The following RGS6 variants were observed in gnomAD, a reference collection of about 807,000 sequenced individuals.
RGS6 encodes the protein regulator of G protein signaling 6, also known as regulator of G-protein signaling 6.
A neutral mutation model predicts 78.5 loss-of-function variants in RGS6; 30 were observed. The ratio of observed to expected loss-of-function variants is 0.38; its 90% CI spans 0.29 to 0.52. RGS6 has a LOEUF of 0.52. Ranked by LOEUF, RGS6 falls within the 20% of genes least tolerant of loss-of-function variation. The pLI is 0.85. For synonymous variants in RGS6, 206 were observed against 206.0 expected, an observed-to-expected ratio of 1.00 and a Z score of 0.00; for missense variants, 495 against 609.7, an observed-to-expected ratio of 0.81 and a Z score of 1.98.
chr14:72,289,071 G>A (rs1008991868), intron 2 of RGS6, among the ~76,000 whole-genome samples: 1 of 152,108 alleles, frequency 6.6e-6, no homozygotes, highest in East Asian at 1.9e-4. Context: ...CAATAAACTA[G>A]AAAGGATGAT....
At chr14:72,453,459 C>CA (rs57089193) in intron 3 of RGS6, among the ~76,000 whole-genome samples, 9 of 146,398 alleles carry the variant, frequency 6.1e-5, no homozygotes, top group South Asian at 4.3e-4. Context: ...ACTAAAAATA[C>CA]AAAAAAATTA....
intron 12 of RGS6, among the ~76,000 whole-genome samples, chr14:72,488,150 T>C (rs761363619): frequency 7.2e-5 from 11 of 152,236 alleles, no homozygotes; most frequent in Admixed American, 1.3e-4. Flanking sequence ...ACAATAAATT[T>C]CCCTTCCGAC....
chr14:72,070,382 G>A (rs2094363584), intron 2 of RGS6, among the ~76,000 whole-genome samples: 2 of 152,192 alleles, frequency 1.3e-5, no homozygotes, highest in East Asian at 3.9e-4. Flanking sequence ...GACTCTAAGA[G>A]CTGTATGAAC....
At chr14:72,236,216 C>T (rs978657218) in intron 2 of RGS6, among the ~76,000 whole-genome samples, 1 of 152,176 alleles carries the variant, frequency 6.6e-6, no homozygotes, top group African/African-American at 2.4e-5. Flanking sequence ...GTCCCCTGCA[C>T]CCATCACGTA....
At position 72,402,308 on chromosome 14, in the gene RGS6, G is replaced by T. The variant is rs562201191; in HGVS notation, c.184+50114G>T. ...ACAGAAGTACTTCCTGCTTCAAGGG[G>T]TTGAGTGGCTATGGTAGTTGATGTT... On this transcript the variant is annotated intron_variant, in intron 3 of 17. Coordinates refer to ENST00000553525, the MANE Select transcript of RGS6 (RefSeq NM_001204424.2). 1.6e-4 allele frequency among the ~76,000 whole-genome samples: 24 copies of T among 152,310 alleles called. No homozygotes were observed. In the East Asian group the frequency reaches 4.1e-3, roughly 26 times the overall value.
chr14:72,581,637 G>A, the RGS6 span, among the ~76,000 whole-genome samples: 1 of 152,116 alleles, frequency 6.6e-6, no homozygotes, highest in African/African-American at 2.4e-5. Flanking sequence ...AACTACCCCT[G>A]GTGTCCCAGT....
At chr14:72,277,334 A>C (rs2060840177) in intron 2 of RGS6, among the ~76,000 whole-genome samples, 1 of 152,188 alleles carries the variant, frequency 6.6e-6, no homozygotes, top group Non-Finnish European at 1.5e-5. Flanking sequence ...GCGGTGGCTC[A>C]CGCCTGTAAT....
In RGS6 at chr14:71,953,977, T is replaced by TTTTG. The variant is rs1480762732; in HGVS notation, c.-20-10792_-20-10791insGTTT. On this transcript the variant is annotated intron_variant, in intron 1 of 17. Coordinates refer to ENST00000553525, the MANE Select transcript of RGS6 (RefSeq NM_001204424.2). ...TAGAATTCTAAGTGGGCGTTTTTTTTTTTTTTTTTTTCCTTCAACATTTTA... is the reference window on the plus strand; with the variant it reads ...TAGAATTCTAAGTGGGCGTTTTTTTTTTTGTTTTTTTTTTTCCTTCAACATTTTA... Among the ~76,000 whole-genome samples, 7 of 147,758 alleles carry TTTTG rather than the reference T, an allele frequency of 4.7e-5. No homozygotes were observed. In the South Asian group the frequency reaches 6.4e-4, roughly 13 times the overall value.
At chr14:72,501,573 T>G (rs1054302794) in intron 13 of RGS6, among the ~76,000 whole-genome samples, 1 of 152,208 alleles carries the variant, frequency 6.6e-6, no homozygotes, top group Non-Finnish European at 1.5e-5. Context: ...TTGCCAGGGC[T>G]TCTCATTGAG....
intron 2 of RGS6, among the ~76,000 whole-genome samples, chr14:72,344,638 C>T: frequency 6.6e-6 from 1 of 152,120 alleles, no homozygotes; most frequent in South Asian, 2.1e-4. Context: ...TGCAGTCATT[C>T]AAGAAATATT....
chr14:71,982,058 C>G (rs564712113), intron 2 of RGS6, among the ~76,000 whole-genome samples: 92 of 148,284 alleles, frequency 6.2e-4, no homozygotes, highest in African/African-American at 1.8e-3. Context: ...TCCAGGTGCC[C>G]TCCGTCACCC....
At chr14:72,088,564 A>G (rs1229981257) in intron 2 of RGS6, among the ~76,000 whole-genome samples, 2 of 152,114 alleles carry the variant, frequency 1.3e-5, no homozygotes, top group Admixed American at 1.3e-4. Flanking sequence ...TGTTCGGATA[A>G]CTATGAGATT....
chr14:72,127,254 A>C (rs560932789), intron 2 of RGS6, among the ~76,000 whole-genome samples: 1 of 152,340 alleles, frequency 6.6e-6, no homozygotes, highest in Admixed American at 6.5e-5. Context: ...ACCACCTTGC[A>C]AATGGTAGGC....
At chr14:72,197,809 T>A (rs1258290996) in intron 2 of RGS6, among the ~76,000 whole-genome samples, 1 of 152,082 alleles carries the variant, frequency 6.6e-6, no homozygotes, top group Non-Finnish European at 1.5e-5. Flanking sequence ...GCTGTCTTGA[T>A]AGCTCTGAGG....
intron 3 of RGS6, among the ~76,000 whole-genome samples, chr14:72,452,201 A>C (rs1487715444): frequency 6.7e-6 from 1 of 149,896 alleles, no homozygotes; most frequent in African/African-American, 2.5e-5. Flanking sequence ...ACACACAGGC[A>C]CATGTACACA....
intron 2 of RGS6, among the ~76,000 whole-genome samples, chr14:72,145,855 A>G (rs1370158373): frequency 1.3e-5 from 2 of 152,168 alleles, no homozygotes; most frequent in Non-Finnish European, 2.9e-5. Context: ...ATAGTAGAGG[A>G]ATCTCATCTG....
upstream of RGS6, among the ~76,000 whole-genome samples, chr14:71,927,904 C>G (rs2087741351): frequency 3.3e-5 from 5 of 152,148 alleles, no homozygotes; most frequent in South Asian, 1.0e-3. Flanking sequence ...GTGATCCGCC[C>G]GTCTCGGCCT....
At chr14:72,217,502 T>A (rs1293031471) in intron 2 of RGS6, among the ~76,000 whole-genome samples, 2 of 152,206 alleles carry the variant, frequency 1.3e-5, no homozygotes, top group Non-Finnish European at 2.9e-5. Context: ...TCAAAGAATC[T>A]GCATTTTGTT....
intron 2 of RGS6, among the ~76,000 whole-genome samples, chr14:72,247,078 G>A (rs1361817503): frequency 6.6e-6 from 1 of 152,118 alleles, no homozygotes; most frequent in African/African-American, 2.4e-5. Flanking sequence ...GTTTTCAAAA[G>A]TTATTCTAAA....
Sources: gnomAD v4.1 joint callset for allele counts (sites outside exome capture counted in the v4.1 genomes callset) on GRCh38, gnomAD v4.1.1 for gene constraint, MANE v1.5 for transcripts, NCBI Gene and HGNC (gene_info 2026-07-23, HGNC 2026-07-21) for gene names.